PCCA: variants seen among roughly 807,000 people sequenced by gnomAD.
PCCA encodes the protein propionyl-CoA carboxylase alpha chain, mitochondrial.
A neutral mutation model predicts 101.3 loss-of-function variants in PCCA; 74 were observed. The ratio of observed to expected loss-of-function variants is 0.73; its 90% CI spans 0.61 to 0.89. The LOEUF is 0.89. Among genes scored for constraint, PCCA ranks in the 40% least tolerant of loss-of-function variants. PCCA has a pLI of 0.00. For synonymous variants in PCCA, 294 were observed against 313.6 expected, an observed-to-expected ratio of 0.94 and a Z score of 0.66; for missense variants, 891 against 907.0, an observed-to-expected ratio of 0.98 and a Z score of 0.23.
chr13:100,491,735 T>A (rs2084924338), intron 21 of PCCA: 2 of 1,297,080 alleles, frequency 1.5e-6, no homozygotes, highest in Non-Finnish European at 2.0e-6. Flanking sequence ...AGGCCTGGGA[T>A]TGAAAGCTCT....
At chr13:100,498,744 T>G (rs2085456544) in intron 21 of PCCA, among the ~76,000 whole-genome samples, 1 of 152,180 alleles carries the variant, frequency 6.6e-6, no homozygotes, top group Non-Finnish European at 1.5e-5. Flanking sequence ...TCATCCACAC[T>G]GGAGCATGTG....
intron 4 of PCCA, among the ~76,000 whole-genome samples, chr13:100,142,763 C>T (rs1403256888): frequency 1.3e-5 from 2 of 152,136 alleles, no homozygotes; most frequent in Non-Finnish European, 2.9e-5. Flanking sequence ...CATGAGCCAC[C>T]ACACCCAGCT....
At chr13:100,288,651 T>C (rs2064886231) in intron 12 of PCCA, among the ~76,000 whole-genome samples, 1 of 152,276 alleles carries the variant, frequency 6.6e-6, no homozygotes, top group African/African-American at 2.4e-5. Context: ...TCTATGAGTT[T>C]GGACAAGTGT....
intron 6 of PCCA, among the ~76,000 whole-genome samples, chr13:100,181,091 A>G (rs989119030): frequency 2.0e-5 from 3 of 152,312 alleles, no homozygotes; most frequent in African/African-American, 7.2e-5. Context: ...TGGCAGCCAT[A>G]TTGTGACCAT....
chr13:100,437,687 G>C (rs571476450), intron 20 of PCCA, among the ~76,000 whole-genome samples: 1 of 151,792 alleles, frequency 6.6e-6, no homozygotes, highest in African/African-American at 2.4e-5. Flanking sequence ...GTTTTGTTTT[G>C]TGTTTGAGAC....
chr13:100,208,910 C>G (rs1361462430), intron 6 of PCCA, among the ~76,000 whole-genome samples: 5 of 152,184 alleles, frequency 3.3e-5, no homozygotes, highest in African/African-American at 4.8e-5. Context: ...TAGCTCAGAG[C>G]CTGGCACAGA....
At chr13:100,414,384 T>G (rs958088287) in intron 19 of PCCA, among the ~76,000 whole-genome samples, 1 of 152,226 alleles carries the variant, frequency 6.6e-6, no homozygotes, top group African/African-American at 2.4e-5. Flanking sequence ...TGAAATAATA[T>G]TTTAGTAAAT....
chr13:100,208,355 C>T (rs2058998420), intron 6 of PCCA, among the ~76,000 whole-genome samples: 1 of 152,110 alleles, frequency 6.6e-6, no homozygotes, highest in African/African-American at 2.4e-5. Flanking sequence ...GCAACGCTAA[C>T]ATGGAATGAA....
chr13:100,343,882 C>CTGGCA (rs1308217899), intron 18 of PCCA, among the ~76,000 whole-genome samples: 1 of 152,138 alleles, frequency 6.6e-6, no homozygotes, highest in Non-Finnish European at 1.5e-5. Flanking sequence ...CGCGACCAAC[C>CTGGCA]TGGCCAACAT....
Position 100,143,557 on chromosome 13 carries a change from A to T in PCCA, c.301-11422A>T, listed in dbSNP as rs562915039. 1.5e-4 allele frequency among the ~76,000 whole-genome samples: 23 copies of T among 151,700 alleles called. No homozygotes were observed. In the South Asian group the frequency reaches 4.2e-3, roughly 27 times the overall value. ...ATCCACAAAAAAAAAAAAATAAAAA[A>T]AAAAAATAAAAATCTTTATTAATTA... On this transcript the variant is annotated intron_variant, in intron 4 of 23. Coordinates refer to ENST00000376285, the MANE Select transcript of PCCA (RefSeq NM_000282.4).
chr13:100,428,554 G>A (rs552935134), intron 20 of PCCA, among the ~76,000 whole-genome samples: 7 of 152,062 alleles, frequency 4.6e-5, no homozygotes, highest in Admixed American at 2.6e-4. Flanking sequence ...AGTACTTTGC[G>A]ATTTTTCCTA....
chr13:100,444,689 C>T (rs986325835), intron 20 of PCCA, among the ~76,000 whole-genome samples: 2 of 152,050 alleles, frequency 1.3e-5, no homozygotes, highest in Admixed American at 6.6e-5. Flanking sequence ...GATCCGCCCA[C>T]CTTGGCCTCC....
chr13:100,134,175 C>G (rs541683744), intron 4 of PCCA, among the ~76,000 whole-genome samples: 5 of 152,188 alleles, frequency 3.3e-5, no homozygotes, highest in African/African-American at 9.6e-5. Flanking sequence ...TTTAGAGAAC[C>G]CTGACTAATA....
chr13:100,273,472 A>G, intron 12 of PCCA, 126 bp downstream of exon 12: 1 of 764,988 alleles, frequency 1.3e-6, no homozygotes, highest in Non-Finnish European at 2.2e-6. Flanking sequence ...TTTAGTTTTT[A>G]TGCTTGTGCT....
rs932233507 is a variant in PCCA, at chr13:100,524,013, C to T, written c.2041-3662C>T. Among the ~76,000 whole-genome samples the T allele has an allele frequency of 6.1e-4, 93 of 152,340 alleles. 1 individual carries two copies. The highest frequency in any genetic ancestry group is 2.0e-3 in the African/African-American group (84 of 41,594). On this transcript the variant is annotated intron_variant, in intron 22 of 23. Coordinates refer to ENST00000376285, the MANE Select transcript of PCCA (RefSeq NM_000282.4). Reference sequence around the variant, plus strand: ...TGCTTGGCTTCCCAGCCACCCTGGGCAATCCGGAAGGTGTTGCTTCCATTG... The same window carrying T: ...TGCTTGGCTTCCCAGCCACCCTGGGTAATCCGGAAGGTGTTGCTTCCATTG...
chr13:100,465,210 G>A (rs2082426722), intron 21 of PCCA, among the ~76,000 whole-genome samples: 2 of 152,078 alleles, frequency 1.3e-5, no homozygotes, highest in South Asian at 4.1e-4. Context: ...GGCTTAAAAT[G>A]CACCAGGACT....
intron 8 of PCCA, among the ~76,000 whole-genome samples, chr13:100,243,203 A>G (rs987123275): frequency 6.6e-6 from 1 of 152,204 alleles, no homozygotes; most frequent in African/African-American, 2.4e-5. Context: ...GCTGGTTACT[A>G]TTTTGTAGTA....
intron 12 of PCCA, among the ~76,000 whole-genome samples, chr13:100,283,997 C>T (rs917126293): frequency 1.8e-4 from 27 of 152,148 alleles, no homozygotes; most frequent in African/African-American, 6.0e-4. Flanking sequence ...CCGGGGCAAG[C>T]GCCAGCTCAT....
At chr13:100,226,813 T>C (rs113944985) in intron 7 of PCCA, among the ~76,000 whole-genome samples, 1,783 of 152,294 alleles carry the variant, frequency 0.012, 16 homozygotes, top group Non-Finnish European at 0.019. Flanking sequence ...ATTGAGTACC[T>C]ACTGTGGGCC....
Sources: allele counts gnomAD v4.1 joint callset (sites outside exome capture counted in the v4.1 genomes callset), GRCh38; gene constraint gnomAD v4.1.1; transcripts MANE v1.5; gene names NCBI Gene and HGNC (gene_info 2026-07-23, HGNC 2026-07-21).